The following MGAM2 variants were observed in gnomAD, a reference collection of about 807,000 sequenced individuals.
MGAM2 encodes the protein maltase-glucoamylase 2 (putative).
MGAM2 carries 98 observed loss-of-function variants against 96.1 expected under a neutral mutation model. That is an observed-to-expected ratio of 1.02 (90% confidence interval 0.87 to 1.21). The LOEUF is 1.21. MGAM2 is among the 50% of genes most tolerant of loss of function. The pLI is 0.00. For missense variants in MGAM2, 2,055 were observed against 1,182.4 expected (o/e 1.74, Z -10.82); for synonymous variants, 749 against 414.8 (o/e 1.81, Z -9.79).
chr7:142,116,679 G>T (rs553452181), intron 1 of MGAM2, among the ~76,000 whole-genome samples, 195 bp from the exon 2 acceptor site: 1 of 152,182 alleles, frequency 6.6e-6, no homozygotes, highest in Non-Finnish European at 1.5e-5. Context: ...AGCTCTACAG[G>T]TGTTGGATGT....
chr7:142,178,367 A>T (rs1327214289), intron 32 of MGAM2, among the ~76,000 whole-genome samples: 1 of 151,944 alleles, frequency 6.6e-6, no homozygotes, highest in Non-Finnish European at 1.5e-5. Context: ...TTTTAATTGG[A>T]TCCATTGTCA....
chr7:142,202,217 G>T (rs370922878), intron 45 of MGAM2, among the ~76,000 whole-genome samples: 1 of 152,224 alleles, frequency 6.6e-6, no homozygotes, highest in African/African-American at 2.4e-5. Flanking sequence ...AAGAAGTACT[G>T]CTGTCCCTGG....
At chr7:142,112,151 A>AGTT (rs1817195015) in intron 1 of MGAM2, among the ~76,000 whole-genome samples, 2 of 151,974 alleles carry the variant, frequency 1.3e-5, no homozygotes, top group Non-Finnish European at 2.9e-5. Flanking sequence ...TCTGGAAACT[A>AGTT]TCTCAAGATG....
At chr7:142,149,782 T>C (rs185344593) in intron 15 of MGAM2, among the ~76,000 whole-genome samples, 7,293 of 151,978 alleles carry the variant, frequency 0.048, 208 homozygotes, top group Middle Eastern at 0.082. Flanking sequence ...ACCTCATGAT[T>C]CACCCGCCTT....
intron 45 of MGAM2, among the ~76,000 whole-genome samples, chr7:142,203,065 G>A (rs1797286998): frequency 6.6e-6 from 1 of 151,986 alleles, no homozygotes; most frequent in Non-Finnish European, 1.5e-5. Context: ...ATGTTTATTG[G>A]CCATTTACAT....
At chr7:142,175,617 C>T (rs1203973201) in intron 31 of MGAM2, 35 bp from the exon 32 acceptor site, 1 of 700,264 alleles carries the variant, frequency 1.4e-6, no homozygotes, top group Non-Finnish European at 2.6e-6. Context: ...GCACCTACTG[C>T]AGGGTTCCAA....
At chr7:142,168,463 T>C (rs566742011) in intron 26 of MGAM2, among the ~76,000 whole-genome samples, 1 of 152,156 alleles carries the variant, frequency 6.6e-6, no homozygotes, top group East Asian at 1.9e-4. Context: ...AGAGATAGGA[T>C]TTCACCATGT....
chr7:142,175,615 T>C, intron 31 of MGAM2, 37 bp from the exon 32 acceptor site: 1 of 700,378 alleles, frequency 1.4e-6, no homozygotes, highest in Non-Finnish European at 2.6e-6. Flanking sequence ...GGGCACCTAC[T>C]GCAGGGTTCC....
At chr7:142,185,907 C>T in intron 34 of MGAM2, 82 bp from the exon 35 acceptor site, 1 of 652,078 alleles carries the variant, frequency 1.5e-6, no homozygotes, top group Non-Finnish European at 2.8e-6. Flanking sequence ...TCTGGGCAGG[C>T]ACAAATTCCT....
At chr7:142,215,560 A>G (rs1797733068) in intron 46 of MGAM2, among the ~76,000 whole-genome samples, 1 of 152,002 alleles carries the variant, frequency 6.6e-6, no homozygotes, top group Admixed American at 6.5e-5. Context: ...CGGGAGTTTG[A>G]GACCAGCCTG....
chr7:142,120,416 G>A (rs1306197754), intron 3 of MGAM2, 35 bp downstream of exon 3: 3 of 700,172 alleles, frequency 4.3e-6, no homozygotes, highest in Non-Finnish European at 7.8e-6. Context: ...GTGGCCTACA[G>A]GGTGTTATTG....
In MGAM2 at chr7:142,172,214, C is replaced by G; in HGVS notation, c.3448+20C>G. 1.4e-6 allele frequency: 1 copy of G among 702,592 alleles called. No individual in the cohort carries two copies. The highest frequency in any genetic ancestry group is 1.5e-5 in the South Asian group (1 of 66,616). The allele number at this position is 702,592 out of a possible 1,614,324, so 43.5% of individuals were successfully genotyped here. The stretch of plus-strand genomic sequence containing the variant: ...CCATGGGTAAGGCATAGGCACAGCT[C>G]CCATGCACCACCAGAAACAGCTGTG... On this transcript the variant is annotated intron_variant, in intron 29 of 47. Coordinates refer to ENST00000477922, the MANE Select transcript of MGAM2 (RefSeq NM_001293626.2).
At chr7:142,138,224 CT>C (rs534713248) in intron 9 of MGAM2, among the ~76,000 whole-genome samples, 80 of 152,328 alleles carry the variant, frequency 5.3e-4, no homozygotes, top group African/African-American at 1.8e-3. Flanking sequence ...CTCTGTGCCA[CT>C]ATATTCCAAG....
At chr7:142,119,085 T>G (rs1030164343) in intron 2 of MGAM2, among the ~76,000 whole-genome samples, 3 of 152,192 alleles carry the variant, frequency 2.0e-5, no homozygotes, top group African/African-American at 7.2e-5. Context: ...TCAGGGAACA[T>G]ACCTGCAGAT....
rs1483957550 is a variant in MGAM2 at position 142,221,058 on chromosome 7, A to G, written c.6547A>G (p.Ile2183Val). 1.4e-6 allele frequency: 1 copy of G among 702,482 alleles called. No individual in the cohort carries two copies. The highest frequency in any genetic ancestry group is 2.6e-6 in the Non-Finnish European group (1 of 384,750). 43.5% of individuals were successfully genotyped at this position (702,482 alleles called of 1,614,324 possible). The change falls in exon 48 of 48, where the codon ATT becomes GTT. Residue 2183 changes from isoleucine (I) to valine (V), a missense_variant. Transcript: ENST00000477922. Reference protein sequence around the residue: ...VPNNTVPVTAIPSLANTGVDT... With the variant: ...VPNNTVPVTAVPSLANTGVDT... Reference sequence around the variant, plus strand: ...TAATAATACTGTTCCAGTTACAGCTATTCCTTCTCTTGCAAATACTGGTGT... The same window carrying G: ...TAATAATACTGTTCCAGTTACAGCTGTTCCTTCTCTTGCAAATACTGGTGT...
chr7:142,156,327 A>T (rs1375898149), intron 17 of MGAM2, among the ~76,000 whole-genome samples: 3 of 152,152 alleles, frequency 2.0e-5, no homozygotes, highest in African/African-American at 7.2e-5. Flanking sequence ...TTTTCATTCT[A>T]CTAGGTCTTC....
chr7:142,191,613 T>C (rs1246161135), intron 37 of MGAM2, among the ~76,000 whole-genome samples: 4 of 152,236 alleles, frequency 2.6e-5, no homozygotes, highest in African/African-American at 9.6e-5. Context: ...TATATATATA[T>C]ATATCCTTAT....
chr7:142,153,724 A>C (rs1207384516), intron 15 of MGAM2, among the ~76,000 whole-genome samples: 1 of 152,248 alleles, frequency 6.6e-6, no homozygotes, highest in Non-Finnish European at 1.5e-5. Context: ...CAAAAGGACC[A>C]GACCACAACC....
chr7:142,221,934 A>G lies in MGAM2; in HGVS notation c.7423A>G (p.Thr2475Ala). 2.5e-6 allele frequency: 1 copy of G among 399,760 alleles called. No individual in the cohort carries two copies. The highest frequency in any genetic ancestry group is 4.3e-5 in the Admixed American group (1 of 22,998). The allele number at this position is 399,760 out of a possible 1,614,324, so 24.8% of individuals were successfully genotyped here. A position where few individuals can be genotyped will look rare whatever the true frequency, so the allele number is the denominator to read the frequency against. ...TYLPITATSA[T>A]TDTTNITKYA... is the part of the protein sequence containing the mutation. Reference sequence around the variant, plus strand: ...TTTACCTATTACTGCAACTAGTGCTACCACAGATACTACAAATATTACAAA... The same window carrying G: ...TTTACCTATTACTGCAACTAGTGCTGCCACAGATACTACAAATATTACAAA... Residue 2475 changes from threonine to alanine, a missense_variant, in exon 48 of 48, where the codon ACC (threonine) becomes GCC (alanine). Transcript: ENST00000477922.
Sources: gnomAD v4.1 joint callset for allele counts (sites outside exome capture counted in the v4.1 genomes callset) on GRCh38, gnomAD v4.1.1 for gene constraint, MANE v1.5 for transcripts, NCBI Gene and HGNC (gene_info 2026-07-23, HGNC 2026-07-21) for gene names.